H3-3A: variants seen among roughly 807,000 people sequenced by gnomAD.
H3-3A encodes the protein histone H3.3.
For missense variants in H3-3A, 7 were observed against 184.0 expected, an observed-to-expected ratio of 0.04 and a Z score of 5.57; for synonymous variants, 49 against 61.4, an observed-to-expected ratio of 0.80 and a Z score of 0.95.
intron 1 of H3-3A, among the ~76,000 whole-genome samples, chr1:226,063,126 C>T (rs1362469836): frequency 1.3e-5 from 2 of 150,994 alleles, no homozygotes; most frequent in African/African-American, 4.9e-5. Context: ...GGACCCCAAA[C>T]CTTCACCATG....
chr1:226,069,656 A>G (rs893266130), intron 3 of H3-3A, among the ~76,000 whole-genome samples: 2 of 151,880 alleles, frequency 1.3e-5, no homozygotes, highest in African/African-American at 4.8e-5. Context: ...ACATGGTGAA[A>G]CCCCATCTCT....
chr1:226,067,250 T>C (rs1385348812), intron 3 of H3-3A: 1 of 152,202 alleles, frequency 6.6e-6, no homozygotes, highest in East Asian at 1.9e-4. Flanking sequence ...CTAAAATTAT[T>C]CACATGTAAA....
At chr1:226,070,518 A>T (rs947409971) in intron 3 of H3-3A, among the ~76,000 whole-genome samples, 15 of 151,806 alleles carry the variant, frequency 9.9e-5, no homozygotes, top group African/African-American at 3.6e-4. Flanking sequence ...TCACGCCTAT[A>T]ATCCCAGCAC....
chr1:226,062,579 G>T (rs1399083713), upstream of H3-3A: 1 of 149,554 alleles, frequency 6.7e-6, no homozygotes, highest in Admixed American at 6.6e-5. Flanking sequence ...ACGGGCGCGC[G>T]GGGGGAAGGG....
rs192058159 is a variant in H3-3A at position 226,068,952 on chromosome 1, G to A, written c.283-2399G>A. 5.9e-5 allele frequency among the ~76,000 whole-genome samples: 9 copies of A among 152,302 alleles called. No homozygotes were observed. The East Asian group carries it at 1.7e-3, about 29-fold the overall frequency. On this transcript the variant is annotated intron_variant, in intron 3 of 3. Coordinates refer to ENST00000366815, the MANE Select transcript of H3-3A (RefSeq NM_002107.7). The stretch of plus-strand genomic sequence containing the variant: ...ACTTAGTTGTTAATAACAAATGCTG[G>A]AGAAACACACGTGAAAATAGTTCAA...
chr1:226,071,826 T>G lies in H3-3A; in HGVS notation c.*347T>G, dbSNP rs886841107. 4.7e-6 allele frequency: 1 copy of G among 212,238 alleles called. No individual in the cohort carries two copies. Among genetic ancestry groups the G allele is most frequent in the African/African-American group, 2.4e-5 (1 of 40,980 alleles). The allele number at this position is 212,238 out of a possible 1,614,324, so 13.1% of individuals were successfully genotyped here. On this transcript the variant is annotated 3_prime_UTR_variant, in exon 4 of 4. Coordinates refer to ENST00000366815, the MANE Select transcript of H3-3A (RefSeq NM_002107.7). ...AGCATTTGGATTTTTTTAAAACAAG[T>G]AAATTTCTTATTGATGGCAACTAAA...
chr1:226,070,308 C>T (rs6678547), intron 3 of H3-3A, among the ~76,000 whole-genome samples: 49,322 of 151,398 alleles, frequency 0.33, 8,808 homozygotes, highest in African/African-American at 0.49. Context: ...AATGAAGCCC[C>T]ATCTCTACTG....
In H3-3A at chr1:226,070,076, C is replaced by T. The variant is rs570883833; in HGVS notation, c.283-1275C>T. Reference sequence around the variant, plus strand: ...GTCAAATGGGAAAAACCAGAGAAATCGATACTAGTACTAGAGGGCAACAAA... The same window carrying T: ...GTCAAATGGGAAAAACCAGAGAAATTGATACTAGTACTAGAGGGCAACAAA... On this transcript the variant is annotated intron_variant, in intron 3 of 3. Coordinates refer to ENST00000366815, the MANE Select transcript of H3-3A (RefSeq NM_002107.7). Among the ~76,000 whole-genome samples the T allele has an allele frequency of 3.9e-5, 6 of 152,158 alleles. No homozygotes were observed. In the South Asian group the frequency reaches 6.2e-4, roughly 16 times the overall value.
chr1:226,068,718 G>C (rs1658002401), intron 3 of H3-3A, among the ~76,000 whole-genome samples: 1 of 152,152 alleles, frequency 6.6e-6, no homozygotes, highest in South Asian at 2.1e-4. Flanking sequence ...ATCTACTTGA[G>C]GACAAGGCAT....
chr1:226,065,823 T>G lies in H3-3A; in HGVS notation c.282+14T>G. 6.3e-7 allele frequency: 1 copy of G among 1,577,076 alleles called. No individual in the cohort carries two copies. The highest frequency in any genetic ancestry group is 8.6e-7 in the Non-Finnish European group (1 of 1,156,462). On this transcript the variant is annotated intron_variant, in intron 3 of 3. Transcript: ENST00000366815. Reference sequence around the variant, plus strand: ...GGTGCTTTGCAGGTAAAATGGTGGGTGGGAAGACTCAGAGTTTGTATTCCT... The same window carrying G: ...GGTGCTTTGCAGGTAAAATGGTGGGGGGGAAGACTCAGAGTTTGTATTCCT...
At chr1:226,065,443 A>G (rs1174833293) in intron 2 of H3-3A, among the ~76,000 whole-genome samples, 2 of 152,236 alleles carry the variant, frequency 1.3e-5, no homozygotes, top group African/African-American at 4.8e-5. Flanking sequence ...CTTGCTAAGA[A>G]TGCATTTTAA....
intron 3 of H3-3A, among the ~76,000 whole-genome samples, chr1:226,067,536 C>G (rs1657969016): frequency 6.6e-6 from 1 of 152,004 alleles, no homozygotes; most frequent in African/African-American, 2.4e-5. Context: ...GTCAGGAGTT[C>G]CAGACCAGCG....
intron 1 of H3-3A, among the ~76,000 whole-genome samples, chr1:226,063,702 G>C (rs1458837882): frequency 6.6e-6 from 1 of 152,258 alleles, no homozygotes; most frequent in Admixed American, 6.6e-5. Flanking sequence ...TAAAGCCTGG[G>C]TGCGGGGCAC....
At chr1:226,064,230 G>T in intron 1 of H3-3A, 99 bp from the exon 2 acceptor site, 1 of 796,228 alleles carries the variant, frequency 1.3e-6, no homozygotes, top group Non-Finnish European at 2.1e-6. Flanking sequence ...TTTTTATACT[G>T]ATCATAATTT....
chr1:226,062,320 C>A (rs1226151811), upstream of H3-3A, among the ~76,000 whole-genome samples: 1 of 150,482 alleles, frequency 6.6e-6, no homozygotes, highest in South Asian at 2.1e-4. Flanking sequence ...CGCGCCTCCG[C>A]CCGCCTTCCC....
Position 226,065,788 on chromosome 1 carries a change from C to A in H3-3A, c.261C>A (p.Ser87Arg). 1 of 1,603,126 alleles carries A rather than the reference C, an allele frequency of 6.2e-7. No individual in the cohort carries two copies. Among genetic ancestry groups the A allele is most frequent in the Non-Finnish European group, 8.5e-7 (1 of 1,173,676 alleles). Residue 87 changes from serine to arginine, a missense_variant, in exon 3 of 4, where the codon AGC becomes AGA. By Grantham distance (110) the Ser-to-Arg change is moderately radical (BLOSUM62 -1). Coordinates refer to ENST00000366815, the MANE Select transcript of H3-3A (RefSeq NM_002107.7). ...TTAAAACAGATCTGCGCTTCCAGAG[C>A]GCAGCTATCGGTGCTTTGCAGGTAA... ...QDFKTDLRFQ[S>R]AAIGALQEAS...
At chr1:226,062,610 A>T (rs555465458), upstream of H3-3A, 2 of 111,492 alleles carry the variant, frequency 1.8e-5, no homozygotes, top group South Asian at 2.7e-4. Flanking sequence ...GCGCGAGAGG[A>T]GCTATGGGGG....
At chr1:226,071,241 C>T (rs1340611433) in intron 3 of H3-3A, 110 bp from the exon 4 acceptor site, 1 of 775,700 alleles carries the variant, frequency 1.3e-6, no homozygotes, top group East Asian at 2.7e-5. Flanking sequence ...AGCATCTTGC[C>T]CAGTCATTTT....
intron 1 of H3-3A, among the ~76,000 whole-genome samples, chr1:226,063,018 A>C (rs1387070054): frequency 1.3e-5 from 2 of 151,462 alleles, no homozygotes; most frequent in Non-Finnish European, 2.9e-5. Flanking sequence ...TCAGCCCAAC[A>C]GCAGCAACCG....
Sources: allele counts gnomAD v4.1 joint callset (sites outside exome capture counted in the v4.1 genomes callset), GRCh38; gene constraint gnomAD v4.1.1; transcripts MANE v1.5; gene names NCBI Gene and HGNC (gene_info 2026-07-23, HGNC 2026-07-21).